The following EIF4G3 variants were observed in gnomAD, a reference collection of about 807,000 sequenced individuals.
EIF4G3 encodes the protein eIF-4-gamma 3.
A neutral mutation model predicts 186.4 loss-of-function variants in EIF4G3; 34 were observed. That is an observed-to-expected ratio of 0.18 (90% CI 0.14 to 0.24). The LOEUF (loss-of-function observed/expected upper bound fraction) is 0.24, where lower values mean the gene tolerates loss of function less well. EIF4G3 is among the 10% of genes least tolerant of loss of function. EIF4G3 has a pLI of 1.00. For synonymous variants in EIF4G3, 673 were observed against 679.5 expected, an observed-to-expected ratio of 0.99 and a Z score of 0.15; for missense variants, 1,536 against 1,948.5, an observed-to-expected ratio of 0.79 and a Z score of 3.99.
At chr1:21,030,441 A>T (rs2092636262) in intron 4 of EIF4G3, among the ~76,000 whole-genome samples, 1 of 152,206 alleles carries the variant, frequency 6.6e-6, no homozygotes, top group African/African-American at 2.4e-5. Flanking sequence ...CATCCATGTA[A>T]GATGTGACTT....
intron 30 of EIF4G3, among the ~76,000 whole-genome samples, chr1:20,836,203 A>G (rs1053092626): frequency 6.6e-6 from 1 of 151,792 alleles, no homozygotes; most frequent in African/African-American, 2.4e-5. Context: ...GGCTAGTCTC[A>G]AACTCCTAGG....
At chr1:20,995,514 G>C (rs527764193) in intron 7 of EIF4G3, among the ~76,000 whole-genome samples, 11 of 152,044 alleles carry the variant, frequency 7.2e-5, no homozygotes, top group Non-Finnish European at 1.2e-4. Context: ...TGGGATTACA[G>C]GTGCCCACCA....
At chr1:20,962,938 G>C (rs1458398269) in intron 12 of EIF4G3, among the ~76,000 whole-genome samples, 4 of 143,190 alleles carry the variant, frequency 2.8e-5, no homozygotes, top group Non-Finnish European at 6.0e-5. Flanking sequence ...TTTTTTGAGA[G>C]ACAAGGTCTT....
rs368303486 is a variant in EIF4G3 at position 20,904,875 on chromosome 1, T to A, written c.1752+8A>T. 2 of 1,610,298 alleles carry A rather than the reference T, an allele frequency of 1.2e-6. No homozygotes were observed. The highest frequency in any genetic ancestry group is 1.7e-6 in the Non-Finnish European group (2 of 1,176,838). ...TGCTCTGAATATGAACTTAAGAGATTTGCTTACCTCCAATTCTGCCTCTAA... is the reference window on the plus strand; with the variant it reads ...TGCTCTGAATATGAACTTAAGAGATATGCTTACCTCCAATTCTGCCTCTAA... On this transcript the variant is annotated splice_region_variant and intron_variant, in intron 15 of 36. Transcript: ENST00000602326.
intron 1 of EIF4G3, 83 bp from the exon 2 acceptor site, chr1:21,176,441 G>C (rs1366625828): frequency 3.0e-5 from 6 of 202,810 alleles, no homozygotes; most frequent in African/African-American, 4.8e-5. Context: ...GGCGCGCCGG[G>C]GTGCAGGGGC....
chr1:20,966,183 T>C (rs1317148115), intron 12 of EIF4G3, among the ~76,000 whole-genome samples: 1 of 152,220 alleles, frequency 6.6e-6, no homozygotes, highest in Non-Finnish European at 1.5e-5. Flanking sequence ...TAAGCAATTA[T>C]GTCTAACTCA....
chr1:20,890,978 T>C (rs2085827286), intron 18 of EIF4G3, among the ~76,000 whole-genome samples: 1 of 152,210 alleles, frequency 6.6e-6, no homozygotes, highest in South Asian at 2.1e-4. Flanking sequence ...AGCTGCTTAA[T>C]AAAAGTAAAT....
At chr1:21,115,691 G>A (rs898641858) in intron 2 of EIF4G3, among the ~76,000 whole-genome samples, 1 of 152,020 alleles carries the variant, frequency 6.6e-6, no homozygotes, top group Non-Finnish European at 1.5e-5. Context: ...TAAATGAGAC[G>A]ATTTATTAGA....
In EIF4G3 at chr1:21,089,206, T is replaced by C. The variant is rs1283392100; in HGVS notation, c.-264A>G. On this transcript the variant is annotated 5_prime_UTR_variant, in exon 3 of 37. Coordinates refer to ENST00000602326, the MANE Select transcript of EIF4G3 (RefSeq NM_001391906.1). ...TCAAGAGGTTGTTGCACAGGTCCTC[T>C]AGGAATTCTAGAAGAGCGAGTTAAG... The C allele has an allele frequency of 5.6e-6, 4 of 717,264 alleles. No individual in the cohort carries two copies. The East Asian group carries it at 1.1e-4, about 19-fold the overall frequency. The allele number at this position is 717,264 out of a possible 1,614,324, so 44.4% of individuals were successfully genotyped here.
intron 14 of EIF4G3, among the ~76,000 whole-genome samples, chr1:20,922,606 T>C (rs1051873869): frequency 6.6e-6 from 1 of 152,236 alleles, no homozygotes; most frequent in Admixed American, 6.5e-5. Context: ...ATTCAAGGTC[T>C]ACCTATTTAA....
At chr1:20,967,068 T>C (rs548619847) in intron 12 of EIF4G3, among the ~76,000 whole-genome samples, 30 of 152,154 alleles carry the variant, frequency 2.0e-4, no homozygotes, top group Non-Finnish European at 4.0e-4. Context: ...TAGAGAAATA[T>C]ACACTCATAT....
intron 14 of EIF4G3, among the ~76,000 whole-genome samples, chr1:20,939,324 AC>A (rs1001607705): frequency 6.6e-6 from 1 of 152,162 alleles, no homozygotes; most frequent in African/African-American, 2.4e-5. Context: ...CATTAAAAAA[AC>A]AGTTCTTTCT....
intron 2 of EIF4G3, among the ~76,000 whole-genome samples, chr1:21,106,347 G>C (rs75157062): frequency 0.029 from 4,403 of 152,156 alleles, 136 homozygotes; most frequent in East Asian, 0.14. Context: ...AAAAGGTAGT[G>C]GCCTAGAAGA....
At chr1:21,160,838 C>G (rs143744610) in intron 2 of EIF4G3, among the ~76,000 whole-genome samples, 1 of 152,140 alleles carries the variant, frequency 6.6e-6, no homozygotes, top group Non-Finnish European at 1.5e-5. Flanking sequence ...CCTTCCAGCA[C>G]AGTACGAGGG....
At chr1:21,123,683 AAGAC>A (rs2096969003) in intron 2 of EIF4G3, among the ~76,000 whole-genome samples, 2 of 152,218 alleles carry the variant, frequency 1.3e-5, no homozygotes, top group East Asian at 3.8e-4. Context: ...GTGGCAGGAA[AAGAC>A]AAATTGTAGT....
intron 2 of EIF4G3, among the ~76,000 whole-genome samples, chr1:21,162,853 G>A (rs1489137670): frequency 6.6e-6 from 1 of 152,212 alleles, no homozygotes; most frequent in East Asian, 1.9e-4. Context: ...GACCATTACA[G>A]GAGAAACAGG....
intron 10 of EIF4G3, among the ~76,000 whole-genome samples, chr1:20,976,360 C>CAG (rs2154566181): frequency 7.1e-6 from 1 of 139,994 alleles, no homozygotes; most frequent in Admixed American, 8.0e-5. Context: ...CAGTGTCACA[C>CAG]AGAGGTTTAA....
At chr1:20,852,908 G>A (rs184751089) in intron 27 of EIF4G3, among the ~76,000 whole-genome samples, 3 of 151,946 alleles carry the variant, frequency 2.0e-5, no homozygotes, top group African/African-American at 7.3e-5. Context: ...AGCCTGATGG[G>A]AGCATCGCTT....
intron 12 of EIF4G3, among the ~76,000 whole-genome samples, chr1:20,953,705 G>C (rs2096302935): frequency 6.6e-6 from 1 of 152,120 alleles, no homozygotes; most frequent in African/African-American, 2.4e-5. Context: ...CTTAAGTACA[G>C]AGGTGGTTAT....
Sources: allele counts gnomAD v4.1 joint callset (sites outside exome capture counted in the v4.1 genomes callset), GRCh38; gene constraint gnomAD v4.1.1; transcripts MANE v1.5; gene names NCBI Gene and HGNC (gene_info 2026-07-23, HGNC 2026-07-21).